VPS54: variants seen among roughly 807,000 people sequenced by gnomAD.
VPS54 encodes VPS54 subunit of GARP complex.
Under a neutral mutation model 121.5 loss-of-function variants are expected in VPS54, and 45 were observed. The ratio of observed to expected loss-of-function variants is 0.37; its 90% confidence interval spans 0.29 to 0.47. The LOEUF is 0.47. Ranked by LOEUF, VPS54 falls within the 20% of genes least tolerant of loss-of-function variation. The pLI is 0.99. For synonymous variants in VPS54, 371 were observed against 385.8 expected, an observed-to-expected ratio of 0.96 and a Z score of 0.45; for missense variants, 1,090 against 1,131.4, an observed-to-expected ratio of 0.96 and a Z score of 0.52.
Position 63,897,551 on chromosome 2 carries a change from A to G in VPS54, c.2773T>C (p.Leu925=), listed in dbSNP as rs1672497221. ...TTTAAGTGAGATAACTGCTTTTTCA[A>G]GTGGAGTTTATAACTTGCATTAATT... ...LRINASYKLH[L]KKQLSHLNVI... Residue 925 remains leucine, a synonymous_variant, in exon 22 of 23, where the codon TTG becomes CTG. Transcript: ENST00000272322. The G allele has an allele frequency of 6.3e-7, 1 of 1,597,112 alleles. No individual in the cohort carries two copies. Among genetic ancestry groups the G allele is most frequent in the Non-Finnish European group, 8.5e-7 (1 of 1,172,176 alleles).
intron 1 of VPS54, among the ~76,000 whole-genome samples, chr2:63,988,054 C>T (rs34506208): frequency 0.36 from 55,125 of 152,040 alleles, 10,579 homozygotes; most frequent in Non-Finnish European, 0.42. Flanking sequence ...TCCAATACTA[C>T]GTTGAATAAC....
intron 20 of VPS54, among the ~76,000 whole-genome samples, chr2:63,904,737 G>C (rs1310641508): frequency 1.3e-5 from 2 of 152,144 alleles, no homozygotes; most frequent in Non-Finnish European, 2.9e-5. Context: ...CCCAGCAACA[G>C]CAAAATACAC....
intron 3 of VPS54, among the ~76,000 whole-genome samples, chr2:63,979,562 G>A (rs1193619877): frequency 1.3e-5 from 2 of 152,126 alleles, no homozygotes; most frequent in African/African-American, 2.4e-5. Flanking sequence ...TTCTTCAGGT[G>A]GAAGCTGAGG....
At chr2:64,012,745 T>C (rs1223858608) in intron 1 of VPS54, among the ~76,000 whole-genome samples, 2 of 151,132 alleles carry the variant, frequency 1.3e-5, no homozygotes, top group East Asian at 3.9e-4. Flanking sequence ...GCCCTTTCCC[T>C]CCTCCCTGCC....
At chr2:63,964,803 G>C (rs1675916145) in intron 6 of VPS54, among the ~76,000 whole-genome samples, 1 of 152,122 alleles carries the variant, frequency 6.6e-6, no homozygotes, top group Non-Finnish European at 1.5e-5. Flanking sequence ...CAGATTGCCA[G>C]GGGATATCAC....
At chr2:63,923,150 C>T (rs565603716) in intron 12 of VPS54, among the ~76,000 whole-genome samples, 19 of 151,748 alleles carry the variant, frequency 1.3e-4, no homozygotes, top group African/African-American at 3.9e-4. Flanking sequence ...CCCGTCTCTA[C>T]TAAAAACGCA....
intron 20 of VPS54, among the ~76,000 whole-genome samples, chr2:63,903,639 G>C (rs1672782361): frequency 6.6e-6 from 1 of 152,054 alleles, no homozygotes; most frequent in Non-Finnish European, 1.5e-5. Flanking sequence ...GCAGGAGAGA[G>C]AGAAAACAGG....
chr2:63,899,263 T>TA (rs1331184270), intron 21 of VPS54, among the ~76,000 whole-genome samples: 1 of 152,186 alleles, frequency 6.6e-6, no homozygotes. Context: ...TATAATATAG[T>TA]AAAGCTCTAG....
chr2:63,967,884 T>TA (rs1676083642), intron 5 of VPS54, among the ~76,000 whole-genome samples: 1 of 152,096 alleles, frequency 6.6e-6, no homozygotes, highest in African/African-American at 2.4e-5. Flanking sequence ...GCTGCCATTT[T>TA]AAGCAAAAGA....
At position 63,920,639 on chromosome 2, in the gene VPS54, T is replaced by A. The variant is rs1413394197; in HGVS notation, c.1870-12A>T. ...TCAAGAAAACCATCCTAAATTTTAA[T>A]ACAAAAATCATGAGAGTTAGTGTAA... On this transcript the variant is annotated splice_polypyrimidine_tract_variant and intron_variant, in intron 13 of 22. Coordinates refer to ENST00000272322, the MANE Select transcript of VPS54 (RefSeq NM_016516.3). 6.8e-7 allele frequency: 1 copy of A among 1,459,990 alleles called. No homozygotes were observed. The highest frequency in any genetic ancestry group is 1.6e-5 in the South Asian group (1 of 64,500). 90.4% of individuals were successfully genotyped at this position (1,459,990 alleles called of 1,614,324 possible).
intron 22 of VPS54, 133 bp downstream of exon 22, chr2:63,897,363 C>G: frequency 3.4e-6 from 2 of 584,900 alleles, no homozygotes; most frequent in Non-Finnish European, 5.8e-6. Flanking sequence ...AAAAAAAAAA[C>G]ACAAAAGCTT....
intron 1 of VPS54, among the ~76,000 whole-genome samples, chr2:63,997,129 G>A (rs144769649): frequency 9.5e-4 from 145 of 152,238 alleles, no homozygotes; most frequent in Middle Eastern, 6.8e-3. Context: ...AAATACAGGG[G>A]GCTGGTTCCC....
chr2:63,962,672 C>G (rs1035002918), intron 6 of VPS54, among the ~76,000 whole-genome samples: 2 of 152,060 alleles, frequency 1.3e-5, no homozygotes, highest in African/African-American at 4.8e-5. Flanking sequence ...ATTTACTTTC[C>G]TCCTCTGTTC....
intron 4 of VPS54, among the ~76,000 whole-genome samples, chr2:63,969,446 G>A (rs1676161761): frequency 6.6e-6 from 1 of 151,918 alleles, no homozygotes; most frequent in Non-Finnish European, 1.5e-5. Context: ...GTTCTCATAG[G>A]AGCACAAACC....
chr2:63,985,604 T>C (rs1302253634), intron 1 of VPS54, among the ~76,000 whole-genome samples: 1 of 151,532 alleles, frequency 6.6e-6, no homozygotes, highest in Non-Finnish European at 1.5e-5. Flanking sequence ...GAATAATCAA[T>C]CATAAGACTA....
chr2:63,965,724 C>G, intron 6 of VPS54, 111 bp downstream of exon 6: 2 of 1,468,734 alleles, frequency 1.4e-6, no homozygotes, highest in Non-Finnish European at 1.8e-6. Context: ...TCAGTAAGAA[C>G]AAAAATGAAT....
intron 18 of VPS54, 91 bp downstream of exon 18, chr2:63,913,132 C>T: frequency 9.6e-7 from 1 of 1,037,214 alleles, no homozygotes; most frequent in South Asian, 1.9e-5. Context: ...TTGGTTAGAG[C>T]CATGAAAACA....
At chr2:63,971,684 A>C (rs1321258588) in intron 4 of VPS54, among the ~76,000 whole-genome samples, 2 of 152,222 alleles carry the variant, frequency 1.3e-5, no homozygotes, top group African/African-American at 4.8e-5. Context: ...TACCACACTG[A>C]ACTTACTCTT....
At chr2:63,931,265 C>A (rs1032022574) in intron 12 of VPS54, among the ~76,000 whole-genome samples, 4 of 152,120 alleles carry the variant, frequency 2.6e-5, no homozygotes, top group Non-Finnish European at 5.9e-5. Context: ...TACTACAAGG[C>A]TACAATAATC....
Sources: allele counts gnomAD v4.1 joint callset (sites outside exome capture counted in the v4.1 genomes callset), GRCh38; gene constraint gnomAD v4.1.1; transcripts MANE v1.5; gene names NCBI Gene and HGNC (gene_info 2026-07-23, HGNC 2026-07-21).